MAPK8IP1: variants seen among roughly 807,000 people sequenced by gnomAD.
MAPK8IP1 encodes the protein C-Jun-amino-terminal kinase-interacting protein 1.
Under a neutral mutation model 72.6 loss-of-function variants are expected in MAPK8IP1, and 17 were observed. The observed-to-expected ratio is 0.23, with a 90% CI of 0.16 to 0.35. The LOEUF is 0.35. Among genes scored for constraint, MAPK8IP1 ranks in the 10% least tolerant of loss-of-function variants. MAPK8IP1 has a pLI of 1.00. For synonymous variants in MAPK8IP1, 401 were observed against 443.4 expected (o/e 0.90, Z 1.20); for missense variants, 789 against 1,009.7 (o/e 0.78, Z 2.96).
At chr11:45,895,629 AAAAAATATAT>A (rs1417691346) in intron 1 of MAPK8IP1, among the ~76,000 whole-genome samples, 18 of 28,696 alleles carry the variant, frequency 6.3e-4, no homozygotes, top group African/African-American at 1.4e-3. Context: ...CAAAAAAAAA[AAAAAATATAT>A]ATATATATAT....
Position 45,905,158 on chromosome 11 carries a change from G to C in MAPK8IP1, c.1972G>C (p.Gly658Arg). ...ACAGACCTGTCCCTGCAGGTACTTT[G>C]GGTTCATCACCAAGCACCCCGCCGA... ...GYHPKNNKYF[G>R]FITKHPADHR... Residue 658 changes from glycine to arginine, a missense_variant, in exon 11 of 12, where the codon GGG becomes CGG. Coordinates refer to ENST00000241014, the MANE Select transcript of MAPK8IP1 (RefSeq NM_005456.4). The C allele has an allele frequency of 6.2e-7, 1 of 1,613,804 alleles. No homozygotes were observed. The highest frequency in any genetic ancestry group is 8.5e-7 in the Non-Finnish European group (1 of 1,179,960).
At chr11:45,895,571 G>GAT (rs2086597083) in intron 1 of MAPK8IP1, among the ~76,000 whole-genome samples, 1 of 146,092 alleles carries the variant, frequency 6.8e-6, no homozygotes, top group South Asian at 2.2e-4. Flanking sequence ...GGTGAGCCAA[G>GAT]ATCATGTCAT....
rs746604189 is a variant in MAPK8IP1, at chr11:45,902,480, G to A, written c.713G>A (p.Arg238His). 27 of 1,604,096 alleles carry A rather than the reference G, an allele frequency of 1.7e-5. 1 individual carries two copies. The Middle Eastern group carries it at 1.2e-3, about 69-fold the overall frequency. ...GGCACCTCCACCGACAGCCCTTGCC[G>A]CCGCAGCACAGCCACCCAGATGGCA... is the stretch of plus-strand genomic sequence containing the variant. Reference protein sequence around the residue: ...DRGTSTDSPCRRSTATQMAPP... With the variant: ...DRGTSTDSPCHRSTATQMAPP... The change falls in exon 5 of 12, where the codon CGC (arginine) becomes CAC (histidine). Residue 238 changes from arginine to histidine, a missense_variant. Physicochemically the swap from Arg to His is conservative, Grantham distance 29. Around this residue, in one of 4 missense-constraint regions of MAPK8IP1, gnomAD observed 377 missense variants for 411.7 expected, o/e 0.92. Transcript: ENST00000241014. The surrounding 1 kb of genome is among the most constrained non-coding windows in gnomAD (Gnocchi z 9.3).
chr11:45,904,707 G>A lies in MAPK8IP1; in HGVS notation c.1777-11G>A, dbSNP rs2086688906. On this transcript the variant is annotated splice_polypyrimidine_tract_variant and intron_variant, in intron 8 of 11. Coordinates refer to ENST00000241014, the MANE Select transcript of MAPK8IP1 (RefSeq NM_005456.4). This position sits in a 1 kb window ranked among gnomAD's most constrained non-coding sequence, Gnocchi z 6.4. ...GACAGCAGCTGACGTGGCTCCATTT[G>A]TCACCTGTAGATTGCCACCACCCGC... The A allele has an allele frequency of 6.2e-7, 1 of 1,613,416 alleles. No individual in the cohort carries two copies. Among genetic ancestry groups the A allele is most frequent in the South Asian group, 1.1e-5 (1 of 91,090 alleles).
intron 1 of MAPK8IP1, among the ~76,000 whole-genome samples, chr11:45,896,334 AAC>A (rs1255652401): frequency 1.3e-5 from 2 of 152,222 alleles, no homozygotes; most frequent in African/African-American, 4.8e-5. Flanking sequence ...TGGCAGTGCA[AAC>A]CGAGTGTTCA....
intron 1 of MAPK8IP1, among the ~76,000 whole-genome samples, chr11:45,895,391 G>A (rs1219869782): frequency 4.6e-5 from 7 of 152,052 alleles, no homozygotes; most frequent in Non-Finnish European, 7.4e-5. Flanking sequence ...AAGCCGAGGC[G>A]AGCAGATCAC....
rs1376534864 is a variant in MAPK8IP1, at chr11:45,900,487, C to T, written c.522+35C>T. 2.0e-6 allele frequency: 3 copies of T among 1,529,544 alleles called. No individual in the cohort carries two copies. The highest frequency in any genetic ancestry group is 2.8e-5 in the African/African-American group (2 of 72,576). The allele number at this position is 1,529,544 out of a possible 1,614,324, so 94.7% of individuals were successfully genotyped here. A position where few individuals can be genotyped will look rare whatever the true frequency, so the allele number is the denominator to read the frequency against. The stretch of plus-strand genomic sequence containing the variant: ...CAACGTGGGGGGCGGCGCCCTGGGC[C>T]GCCGCGGAGATGTGAGGGGGAGCGC... On this transcript the variant is annotated intron_variant, in intron 3 of 11. Coordinates refer to ENST00000241014, the MANE Select transcript of MAPK8IP1 (RefSeq NM_005456.4). The surrounding 1 kb of genome is among the most constrained non-coding windows in gnomAD (Gnocchi z 6.5).
intron 1 of MAPK8IP1, among the ~76,000 whole-genome samples, chr11:45,894,453 C>G (rs1044405317): frequency 1.3e-5 from 2 of 151,682 alleles, no homozygotes; most frequent in Non-Finnish European, 3.0e-5. Flanking sequence ...AGTATTCTTT[C>G]TAGCATTGCC....
intron 1 of MAPK8IP1, chr11:45,896,863 G>T: frequency 6.5e-7 from 1 of 1,549,860 alleles, no homozygotes; most frequent in African/African-American, 1.4e-5. Flanking sequence ...CAGCCCCCCG[G>T]CCGGGCAGGG....
At chr11:45,896,439 G>C (rs920086021) in intron 1 of MAPK8IP1, 1 of 799,384 alleles carries the variant, frequency 1.3e-6, no homozygotes, top group Non-Finnish European at 1.5e-6. Context: ...GCTGGCTTTT[G>C]GGGGGAAACA....
Position 45,904,211 on chromosome 11 carries a change from C to A in MAPK8IP1, c.1666+50C>A. The A allele has an allele frequency of 6.3e-7, 1 of 1,583,162 alleles. No individual in the cohort carries two copies. The highest frequency in any genetic ancestry group is 2.3e-5 in the East Asian group (1 of 43,674). ...CCCCCAGCCACCACATCTGTCTGCC[C>A]CAACTTGCTGCTAGGTGAACGTGTA... On this transcript the variant is annotated intron_variant, in intron 7 of 11. Coordinates refer to ENST00000241014, the MANE Select transcript of MAPK8IP1 (RefSeq NM_005456.4). This position sits in a 1 kb window ranked among gnomAD's most constrained non-coding sequence, Gnocchi z 6.4.
Position 45,902,812 on chromosome 11 carries a change from G to A in MAPK8IP1, c.1045G>A (p.Gly349Ser). The A allele has an allele frequency of 6.3e-7, 1 of 1,581,116 alleles. No homozygotes were observed. ...GTCCCCAGAGCGGGCTGAGCCCCCA[G>A]GCGGAGGGTGGCGGGGGAGCCTGGG... ...LSSPERAEPP[G>S]GGWRGSLGEP... Residue 349 changes from glycine to serine, a missense_variant, in exon 5 of 12, where the codon GGC becomes AGC. Gly to Ser is a moderately conservative substitution (Grantham distance 56, BLOSUM62 0). This residue lies in a region of MAPK8IP1 where 377 missense variants were observed against 411.7 expected (regional missense o/e 0.92). Transcript: ENST00000241014. The surrounding 1 kb of genome is among the most constrained non-coding windows in gnomAD (Gnocchi z 9.3).
chr11:45,896,598 C>G lies in MAPK8IP1; in HGVS notation c.102-1487C>G. 4 of 1,314,000 alleles carry G rather than the reference C, an allele frequency of 3.0e-6. No individual in the cohort carries two copies. The South Asian group carries it at 8.6e-5, about 28-fold the overall frequency. The allele number at this position is 1,314,000 out of a possible 1,614,324, so 81.4% of individuals were successfully genotyped here. On this transcript the variant is annotated intron_variant, in intron 1 of 11. Coordinates refer to ENST00000241014, the MANE Select transcript of MAPK8IP1 (RefSeq NM_005456.4). Reference sequence around the variant, plus strand: ...AGGGAGGCGGCCACAGCGGCAGCAGCGCAAGGGCCAGGCCAGCCGGGAGGA... The same window carrying G: ...AGGGAGGCGGCCACAGCGGCAGCAGGGCAAGGGCCAGGCCAGCCGGGAGGA...
chr11:45,903,237 G>A lies in MAPK8IP1; in HGVS notation c.1417+53G>A. On this transcript the variant is annotated intron_variant, in intron 5 of 11. Coordinates refer to ENST00000241014, the MANE Select transcript of MAPK8IP1 (RefSeq NM_005456.4). The surrounding 1 kb of genome is among the most constrained non-coding windows in gnomAD (Gnocchi z 6.4). ...TGGGGGGGTCCCTAGCGGGGGCAGA[G>A]CCAAAATGCGAAGTGTTCTGGGAGG... is the stretch of plus-strand genomic sequence containing the variant. 2 of 1,588,638 alleles carry A rather than the reference G, an allele frequency of 1.3e-6. No individual in the cohort carries two copies. The highest frequency in any genetic ancestry group is 1.7e-6 in the Non-Finnish European group (2 of 1,166,642).
chr11:45,900,553 C>T lies in MAPK8IP1; in HGVS notation c.522+101C>T. On this transcript the variant is annotated intron_variant, in intron 3 of 11. Transcript: ENST00000241014. This position sits in a 1 kb window ranked among gnomAD's most constrained non-coding sequence, Gnocchi z 6.5. ...GGAAGGGGCACCCACGGGTCCAGTG[C>T]CTGGGGACAGCGCCTGCATAGGGGC... The T allele has an allele frequency of 5.1e-6, 7 of 1,371,826 alleles. No homozygotes were observed. The highest frequency in any genetic ancestry group is 1.3e-5 in the South Asian group (1 of 76,232). The allele number at this position is 1,371,826 out of a possible 1,614,324, so 85.0% of individuals were successfully genotyped here. A position where few individuals can be genotyped will look rare whatever the true frequency, so the allele number is the denominator to read the frequency against.
At chr11:45,897,013 G>A (rs899760919) in intron 1 of MAPK8IP1, 45 of 1,510,932 alleles carry the variant, frequency 3.0e-5, no homozygotes, top group Middle Eastern at 3.9e-4. Context: ...TCGAGCTCAG[G>A]GTCTCTGATC....
Position 45,904,200 on chromosome 11 carries a change from A to C in MAPK8IP1, c.1666+39A>C. 6.3e-7 allele frequency: 1 copy of C among 1,599,460 alleles called. No individual in the cohort carries two copies. Among genetic ancestry groups the C allele is most frequent in the Non-Finnish European group, 8.5e-7 (1 of 1,171,808 alleles). ...CCTGGCCTGTGCCCCCAGCCACCACATCTGTCTGCCCCAACTTGCTGCTAG... is the reference window on the plus strand; with the variant it reads ...CCTGGCCTGTGCCCCCAGCCACCACCTCTGTCTGCCCCAACTTGCTGCTAG... On this transcript the variant is annotated intron_variant, in intron 7 of 11. Coordinates refer to ENST00000241014, the MANE Select transcript of MAPK8IP1 (RefSeq NM_005456.4). The surrounding 1 kb of genome is among the most constrained non-coding windows in gnomAD (Gnocchi z 6.4).
chr11:45,904,647 C>G lies in MAPK8IP1; in HGVS notation c.1777-71C>G. The G allele has an allele frequency of 6.3e-7, 1 of 1,596,808 alleles. No homozygotes were observed. Among genetic ancestry groups the G allele is most frequent in the Non-Finnish European group, 8.6e-7 (1 of 1,164,596 alleles). On this transcript the variant is annotated intron_variant, in intron 8 of 11. Coordinates refer to ENST00000241014, the MANE Select transcript of MAPK8IP1 (RefSeq NM_005456.4). The surrounding 1 kb of genome is among the most constrained non-coding windows in gnomAD (Gnocchi z 6.4). ...AGGTGTCTAGAGGCAGTAAAGGGCT[C>G]AGGCCCTGGGACAGGAGGGATCAGC...
intron 1 of MAPK8IP1, among the ~76,000 whole-genome samples, chr11:45,889,072 A>T (rs2086547831): frequency 6.6e-6 from 1 of 152,142 alleles, no homozygotes; most frequent in South Asian, 2.1e-4. Flanking sequence ...CAGATTTCTA[A>T]TTTTTTTGGA....
Sources: gnomAD v4.1 joint callset for allele counts (sites outside exome capture counted in the v4.1 genomes callset) on GRCh38, gnomAD v4.1.1 for gene constraint, gnomAD v4.1.1 regional missense constraint, Gnocchi (gnomAD v3.1) non-coding constraint, MANE v1.5 for transcripts, NCBI Gene and HGNC (gene_info 2026-07-23, HGNC 2026-07-21) for gene names.